The following ZNF536 variants were observed in gnomAD, a reference collection of about 807,000 sequenced individuals.
The protein encoded by ZNF536 is zinc finger protein 536.
In ZNF536, 13 loss-of-function variants were observed where a neutral mutation model predicts 84.5. That is an observed-to-expected ratio of 0.15 (90% CI 0.10 to 0.24). The LOEUF (loss-of-function observed/expected upper bound fraction) is 0.24. ZNF536 is among the 10% of genes least tolerant of loss of function. The probability of loss-of-function intolerance (pLI) is 1.00; values close to 1 mark genes in which losing one functional copy is unlikely to be tolerated. For missense variants in ZNF536, 1,536 were observed against 1,747.5 expected, an observed-to-expected ratio of 0.88 and a Z score of 2.16; for synonymous variants, 811 against 742.5, an observed-to-expected ratio of 1.09 and a Z score of -1.50.
At chr19:30,512,192 T>G (rs1187589687) in intron 2 of ZNF536, among the ~76,000 whole-genome samples, 1 of 152,210 alleles carries the variant, frequency 6.6e-6, no homozygotes, top group Non-Finnish European at 1.5e-5. Context: ...TAAAATATAC[T>G]GCAAAACACA....
At chr19:30,709,804 A>T (rs1023837809) in intron 1 of ZNF536, among the ~76,000 whole-genome samples, 2 of 152,040 alleles carry the variant, frequency 1.3e-5, no homozygotes, top group Non-Finnish European at 2.9e-5. Context: ...TTTTTTGTAC[A>T]GACAGTCTCA....
At chr19:30,674,334 G>A (rs2050675386) in intron 1 of ZNF536, among the ~76,000 whole-genome samples, 2 of 152,252 alleles carry the variant, frequency 1.3e-5, no homozygotes, top group South Asian at 2.1e-4. Context: ...CGGGGATGGA[G>A]AGGGAGTGGT....
rs374037664 is a variant in ZNF536, at chr19:30,514,192, C to G, written c.2171-20655C>G. 2.1e-3 allele frequency among the ~76,000 whole-genome samples: 327 copies of G among 152,336 alleles called. 1 individual carries two copies. Among genetic ancestry groups the G allele is most frequent in the Middle Eastern group, 3.4e-3 (1 of 294 alleles). On this transcript the variant is annotated intron_variant, in intron 2 of 4. Coordinates refer to ENST00000355537, the MANE Select transcript of ZNF536 (RefSeq NM_014717.3). ...AGGAGCACAGACCTCAGACACACCC[C>G]TTCTACTAGCCTCCATAGATTATTC...
At chr19:30,512,535 T>TA (rs1226765545) in intron 2 of ZNF536, among the ~76,000 whole-genome samples, 2 of 151,756 alleles carry the variant, frequency 1.3e-5, no homozygotes, top group Non-Finnish European at 2.9e-5. Flanking sequence ...GCATTATATT[T>TA]AAAAAAAATC....
chr19:30,666,189 C>G (rs1244106442), intron 1 of ZNF536, among the ~76,000 whole-genome samples: 1 of 152,308 alleles, frequency 6.6e-6, no homozygotes, highest in Non-Finnish European at 1.5e-5. Context: ...CACCTGGTCT[C>G]CCAGGAGGTT....
chr19:30,597,736 G>A (rs926547221), intron 1 of ZNF536, among the ~76,000 whole-genome samples: 1 of 152,102 alleles, frequency 6.6e-6, no homozygotes, highest in Non-Finnish European at 1.5e-5. Context: ...GTATGTATAT[G>A]GTTGCTATTG....
At chr19:30,539,455 T>C (rs775375553) in intron 3 of ZNF536, among the ~76,000 whole-genome samples, 2 of 152,182 alleles carry the variant, frequency 1.3e-5, no homozygotes, top group Non-Finnish European at 1.5e-5. Flanking sequence ...AACACCCCCA[T>C]GGACACACCC....
chr19:30,598,573 G>A (rs2047547591), intron 1 of ZNF536, among the ~76,000 whole-genome samples: 1 of 152,084 alleles, frequency 6.6e-6, no homozygotes. Flanking sequence ...GCGAGGTGTG[G>A]GGGAGGGAGA....
intron 3 of ZNF536, among the ~76,000 whole-genome samples, chr19:30,366,064 C>A (rs538885802): frequency 2.0e-5 from 3 of 152,230 alleles, no homozygotes; most frequent in Admixed American, 6.5e-5. Flanking sequence ...AAGGAAGTCA[C>A]CCCCGCCGAA....
chr19:30,428,885 G>T (rs1320494219), intron 1 of ZNF536, among the ~76,000 whole-genome samples: 1 of 152,152 alleles, frequency 6.6e-6, no homozygotes. Flanking sequence ...TCAAGATCAG[G>T]GTTTGGCTAT....
At chr19:30,503,604 C>CA (rs2055038962) in intron 2 of ZNF536, among the ~76,000 whole-genome samples, 1 of 152,108 alleles carries the variant, frequency 6.6e-6, no homozygotes, top group Non-Finnish European at 1.5e-5. Context: ...GTTGCTTAAG[C>CA]AAAAAAGAGA....
intron 1 of ZNF536, among the ~76,000 whole-genome samples, chr19:30,387,796 C>T (rs764292023): frequency 1.1e-4 from 17 of 152,182 alleles, no homozygotes; most frequent in Non-Finnish European, 2.1e-4. Context: ...CCCTACTGCA[C>T]AGGATATCAG....
chr19:30,431,746 AG>A (rs1415509536), intron 1 of ZNF536, among the ~76,000 whole-genome samples: 2 of 152,284 alleles, frequency 1.3e-5, no homozygotes, highest in East Asian at 3.9e-4. Flanking sequence ...CTGCTGCCCC[AG>A]GGAGGGGTCC....
At chr19:30,340,629 G>A (rs975199077) in intron 2 of ZNF536, among the ~76,000 whole-genome samples, 1 of 152,162 alleles carries the variant, frequency 6.6e-6, no homozygotes, top group Non-Finnish European at 1.5e-5. Context: ...AGGAGAGTCA[G>A]CAGTCTCTAA....
At chr19:30,663,784 A>G (rs1053701538) in intron 1 of ZNF536, among the ~76,000 whole-genome samples, 1 of 152,216 alleles carries the variant, frequency 6.6e-6, no homozygotes, top group Non-Finnish European at 1.5e-5. Flanking sequence ...AGACACTATA[A>G]AAATCTATAT....
At chr19:30,558,544 G>T, downstream of ZNF536, among the ~76,000 whole-genome samples, 1 of 152,198 alleles carries the variant, frequency 6.6e-6, no homozygotes, top group East Asian at 1.9e-4. Context: ...AAGAGACTCA[G>T]GATTCGCGGA....
chr19:30,348,653 G>A (rs1398835805), intron 2 of ZNF536, among the ~76,000 whole-genome samples: 1 of 152,186 alleles, frequency 6.6e-6, no homozygotes, highest in Non-Finnish European at 1.5e-5. Flanking sequence ...GGCAAGGAGA[G>A]GTTATCTGTC....
chr19:30,710,076 A>G (rs935308179), intron 1 of ZNF536, among the ~76,000 whole-genome samples: 2 of 152,260 alleles, frequency 1.3e-5, no homozygotes, highest in African/African-American at 4.8e-5. Flanking sequence ...AATTTCATCA[A>G]TAAAAAGTTG....
chr19:30,696,357 A>C (rs930804151), intron 1 of ZNF536, among the ~76,000 whole-genome samples: 12 of 152,230 alleles, frequency 7.9e-5, no homozygotes, highest in African/African-American at 2.9e-4. Context: ...ATTTCTTTAA[A>C]GACTAAATGC....
Sources: gnomAD v4.1 joint callset for allele counts (sites outside exome capture counted in the v4.1 genomes callset) on GRCh38, gnomAD v4.1.1 for gene constraint, MANE v1.5 for transcripts, NCBI Gene and HGNC (gene_info 2026-07-23, HGNC 2026-07-21) for gene names.